The following CAPN8 variants were observed in gnomAD, a reference collection of about 807,000 sequenced individuals.
The protein encoded by CAPN8 is calpain-8.
Under a neutral mutation model 80.9 loss-of-function variants are expected in CAPN8, and 87 were observed. The ratio of observed to expected loss-of-function variants is 1.07; its 90% confidence interval spans 0.90 to 1.28. CAPN8 has a LOEUF of 1.28. Ranked by LOEUF, CAPN8 falls within the 50% of genes most tolerant of loss-of-function variation. The pLI is 0.00. For missense variants in CAPN8, 757 were observed against 702.0 expected, an observed-to-expected ratio of 1.08 and a Z score of -0.89; for synonymous variants, 299 against 273.8, an observed-to-expected ratio of 1.09 and a Z score of -0.91.
Position 223,627,086 on chromosome 1 carries a change from A to T in CAPN8, c.632T>A (p.Ile211Asn), listed in dbSNP as rs1194194343. The change falls in exon 5 of 21, where the codon ATC becomes AAC. Residue 211 changes from isoleucine to asparagine, a missense_variant. Coordinates refer to ENST00000366872, the MANE Select transcript of CAPN8 (RefSeq NM_001143962.2). Reference sequence around the variant, plus strand: ...TTTCTTCAGGTCATAAAACTCAGAGATGCCACCTGTGAAATCCTCAAACCC... The same window carrying T: ...TTTCTTCAGGTCATAAAACTCAGAGTTGCCACCTGTGAAATCCTCAAACCC... ...VEGFEDFTGG[I>N]SEFYDLKKPP... 3 of 1,552,276 alleles carry T rather than the reference A, an allele frequency of 1.9e-6. No individual in the cohort carries two copies. In the Admixed American group the frequency reaches 5.9e-5, roughly 30 times the overall value.
chr1:223,627,878 A>G, intron 4 of CAPN8, 131 bp downstream of exon 4: 1 of 1,083,036 alleles, frequency 9.2e-7, no homozygotes, highest in South Asian at 1.8e-5. Context: ...TCTCCGGCTC[A>G]TGGGGGTCTG....
chr1:223,657,626 G>A (rs1207810985), intron 1 of CAPN8, among the ~76,000 whole-genome samples: 7 of 152,124 alleles, frequency 4.6e-5, no homozygotes, highest in Admixed American at 1.3e-4. Flanking sequence ...AATTAGCCAG[G>A]CGTGGTGGTG....
intron 2 of CAPN8, among the ~76,000 whole-genome samples, chr1:223,649,503 G>C (rs1332634921): frequency 6.6e-6 from 1 of 152,208 alleles, no homozygotes; most frequent in Non-Finnish European, 1.5e-5. Flanking sequence ...GGATCAGTCA[G>C]CACCTCCAAC....
intron 1 of CAPN8, among the ~76,000 whole-genome samples, chr1:223,660,977 G>C (rs1658628604): frequency 6.6e-6 from 1 of 152,082 alleles, no homozygotes; most frequent in African/African-American, 2.4e-5. Context: ...GACCAGCCTC[G>C]CCAACATGGC....
At chr1:223,548,997 G>A (rs1203727694) in intron 16 of CAPN8, among the ~76,000 whole-genome samples, 1 of 152,066 alleles carries the variant, frequency 6.6e-6, no homozygotes. Context: ...GAGATGAACA[G>A]AGTGTGGAGG....
At chr1:223,635,192 AATGTTTTT>A in intron 2 of CAPN8, among the ~76,000 whole-genome samples, 1 of 152,292 alleles carries the variant, frequency 6.6e-6, no homozygotes, top group African/African-American at 2.4e-5. Flanking sequence ...GGCTGCTCTA[AATGTTTTT>A]ATACACAGGG....
At chr1:223,545,096 C>T in intron 17 of CAPN8, 135 bp downstream of exon 17, 1 of 1,458,714 alleles carries the variant, frequency 6.9e-7, no homozygotes, top group Non-Finnish European at 9.2e-7. Flanking sequence ...CTTCTTGTTC[C>T]TTCATGACCA....
At chr1:223,618,354 G>A (rs372112264) in intron 9 of CAPN8, 2 of 1,543,320 alleles carry the variant, frequency 1.3e-6, no homozygotes, top group South Asian at 1.2e-5. Context: ...GAGGACCCAG[G>A]GTTAGTGCGG....
At chr1:223,659,099 T>C (rs775395281) in intron 1 of CAPN8, among the ~76,000 whole-genome samples, 18 of 152,098 alleles carry the variant, frequency 1.2e-4, no homozygotes, top group Non-Finnish European at 1.8e-4. Context: ...ACTCCATAAA[T>C]ACAAATTACT....
At chr1:223,640,642 C>A (rs1571727567) in intron 2 of CAPN8, among the ~76,000 whole-genome samples, 1 of 152,258 alleles carries the variant, frequency 6.6e-6, no homozygotes, top group Admixed American at 6.5e-5. Context: ...AAATAGCTCT[C>A]AAATCCCATC....
intron 2 of CAPN8, among the ~76,000 whole-genome samples, chr1:223,633,587 A>C (rs1179121131): frequency 6.6e-6 from 1 of 152,102 alleles, no homozygotes; most frequent in Non-Finnish European, 1.5e-5. Flanking sequence ...ACTTGAGCCC[A>C]GGAGGCAGAG....
intron 2 of CAPN8, among the ~76,000 whole-genome samples, chr1:223,644,821 C>T (rs901932692): frequency 6.6e-6 from 1 of 152,148 alleles, no homozygotes; most frequent in African/African-American, 2.4e-5. Context: ...CTACTTTACT[C>T]ATTTATGTGG....
intron 2 of CAPN8, 195 bp from the exon 3 acceptor site, chr1:223,628,975 G>C (rs988618606): frequency 5.6e-5 from 32 of 570,536 alleles, no homozygotes; most frequent in Non-Finnish European, 9.4e-5. Context: ...TTGTTTACTC[G>C]GGAGTGGATC....
At chr1:223,635,427 C>T (rs34160961) in intron 2 of CAPN8, among the ~76,000 whole-genome samples, 68,110 of 152,082 alleles carry the variant, frequency 0.45, 15,623 homozygotes, top group Non-Finnish European at 0.49. Context: ...CAGAATCGAC[C>T]CACACATTGA....
intron 7 of CAPN8, chr1:223,622,548 C>T: frequency 2.0e-6 from 1 of 511,818 alleles, no homozygotes; most frequent in Non-Finnish European, 3.5e-6. Flanking sequence ...ACACAAAAAC[C>T]TTTCAGCGCA....
chr1:223,653,557 C>CT (rs1469383154), intron 2 of CAPN8, among the ~76,000 whole-genome samples: 4 of 152,204 alleles, frequency 2.6e-5, no homozygotes, highest in Admixed American at 1.3e-4. Context: ...TTCACCTTCA[C>CT]TTCCGGTTCT....
intron 2 of CAPN8, among the ~76,000 whole-genome samples, chr1:223,640,675 T>C (rs987273796): frequency 2.0e-5 from 3 of 152,112 alleles, no homozygotes; most frequent in Non-Finnish European, 4.4e-5. Flanking sequence ...ATTGCTGCCA[T>C]CGCCTCCACT....
intron 15 of CAPN8, among the ~76,000 whole-genome samples, chr1:223,550,326 A>C (rs986494836): frequency 6.6e-6 from 1 of 152,040 alleles, no homozygotes; most frequent in African/African-American, 2.4e-5. Context: ...CTGCATTCTC[A>C]AGCCCTGTCC....
intron 1 of CAPN8, among the ~76,000 whole-genome samples, chr1:223,656,770 G>A (rs1304906880): frequency 1.5e-5 from 2 of 135,936 alleles, no homozygotes; most frequent in Non-Finnish European, 3.1e-5. Context: ...TGCAAGCTCC[G>A]CCTCCCGGGT....
Sources: gnomAD v4.1 joint callset for allele counts (sites outside exome capture counted in the v4.1 genomes callset) on GRCh38, gnomAD v4.1.1 for gene constraint, MANE v1.5 for transcripts, NCBI Gene and HGNC (gene_info 2026-07-23, HGNC 2026-07-21) for gene names.